PCBP3: variants seen among roughly 807,000 people sequenced by gnomAD.
The protein encoded by PCBP3 is poly(rC) binding protein 3.
In PCBP3, 25 loss-of-function variants were observed where a neutral mutation model predicts 52.7. The ratio of observed to expected loss-of-function variants is 0.47; its 90% confidence interval spans 0.35 to 0.66. The LOEUF is 0.66. Ranked by LOEUF, PCBP3 falls within the 30% of genes least tolerant of loss-of-function variation. PCBP3 has a pLI of 0.01. For synonymous variants in PCBP3, 162 were observed against 183.0 expected (o/e 0.89, Z 0.93); for missense variants, 391 against 490.3 (o/e 0.80, Z 1.91).
rs570442279 is a variant in PCBP3 at position 45,680,668 on chromosome 21, T to C, written c.-200+11716T>C. 5.9e-5 allele frequency among the ~76,000 whole-genome samples: 9 copies of C among 152,354 alleles called. No homozygotes were observed. In the South Asian group the frequency reaches 1.9e-3, roughly 32 times the overall value. On this transcript the variant is annotated intron_variant, in intron 2 of 17. Transcript: ENST00000681687. The stretch of plus-strand genomic sequence containing the variant: ...TTTGGACAATTTAGTTTATCTTTTC[T>C]GATCTCTAGGTCTTTTATTTATTTC...
chr21:45,770,706 T>G (rs952434748), intron 4 of PCBP3, among the ~76,000 whole-genome samples: 12 of 152,378 alleles, frequency 7.9e-5, no homozygotes, highest in Admixed American at 5.2e-4. Context: ...AGCCATCAGC[T>G]TCATGCAATG....
intron 3 of PCBP3, among the ~76,000 whole-genome samples, chr21:45,742,406 T>C (rs770092021): frequency 6.6e-6 from 1 of 152,228 alleles, no homozygotes; most frequent in Non-Finnish European, 1.5e-5. Context: ...ATGGCTTAGC[T>C]CTTTAACAAT....
At chr21:45,882,393 G>A (rs375906147) in intron 5 of PCBP3, among the ~76,000 whole-genome samples, 18 of 152,010 alleles carry the variant, frequency 1.2e-4, no homozygotes, top group African/African-American at 4.4e-4. Context: ...TCTTGCTATT[G>A]AGTTGTTTGA....
rs1037904307 is a variant in PCBP3, at chr21:45,741,334, A to G, written c.-162+5905A>G. ...ACTGTGAGAAGCAGAAACATTGTGC[A>G]AGAAGGGAGCTGCAGCATCAGGTGT... On this transcript the variant is annotated intron_variant, in intron 3 of 17. Coordinates refer to ENST00000681687, the MANE Select transcript of PCBP3 (RefSeq NM_001384156.1). This position sits in a 1 kb window ranked among gnomAD's most constrained non-coding sequence, Gnocchi z 4.5. Among the ~76,000 whole-genome samples, 3 of 152,184 alleles carry G rather than the reference A, an allele frequency of 2.0e-5. No homozygotes were observed. The highest frequency in any genetic ancestry group is 4.4e-5 in the Non-Finnish European group (3 of 68,026).
chr21:45,737,966 C>G lies in PCBP3; in HGVS notation c.-162+2537C>G, dbSNP rs888849043. Among the ~76,000 whole-genome samples, 1 of 152,190 alleles carries G rather than the reference C, an allele frequency of 6.6e-6. No homozygotes were observed. The highest frequency in any genetic ancestry group is 1.5e-5 in the Non-Finnish European group (1 of 68,036). ...CCCATGTCTTGGAGGACTCTTCCCC[C>G]TTCCTGAGAGAGAGCGATGAATGTA... On this transcript the variant is annotated intron_variant, in intron 3 of 17. Transcript: ENST00000681687. The surrounding 1 kb of genome is among the most constrained non-coding windows in gnomAD (Gnocchi z 4.9).
intron 2 of PCBP3, among the ~76,000 whole-genome samples, chr21:45,711,846 G>T (rs953449944): frequency 1.3e-5 from 2 of 152,156 alleles, no homozygotes; most frequent in African/African-American, 4.8e-5. Context: ...TGGTTTTTGA[G>T]AACTGCTTAA....
chr21:45,689,542 T>G (rs887849763), intron 2 of PCBP3, among the ~76,000 whole-genome samples: 1 of 152,060 alleles, frequency 6.6e-6, no homozygotes, highest in African/African-American at 2.4e-5. Flanking sequence ...AGATCCATTC[T>G]CACTACTTCT....
intron 3 of PCBP3, among the ~76,000 whole-genome samples, chr21:45,744,660 A>C (rs2086696498): frequency 6.6e-6 from 1 of 152,168 alleles, no homozygotes; most frequent in Non-Finnish European, 1.5e-5. Flanking sequence ...CATTATAATT[A>C]TAATTCTCTT....
chr21:45,711,523 A>G (rs1163391352), intron 2 of PCBP3, among the ~76,000 whole-genome samples: 5 of 152,214 alleles, frequency 3.3e-5, no homozygotes, highest in Non-Finnish European at 7.3e-5. Context: ...CCTTTAGTAT[A>G]CATGTATAGC....
chr21:45,931,248 A>G (rs1569508216), intron 15 of PCBP3, among the ~76,000 whole-genome samples: 1 of 152,244 alleles, frequency 6.6e-6, no homozygotes, highest in African/African-American at 2.4e-5. Flanking sequence ...AGATTTGTAG[A>G]TTCAGTGACC....
rs2074872803 is a variant in PCBP3 at position 45,923,848 on chromosome 21, GAGTGGGTAGAAACAGCACA to G, written c.718-6068_718-6050del. Among the ~76,000 whole-genome samples, 9 of 142,302 alleles carry G rather than the reference GAGTGGGTAGAAACAGCACA, an allele frequency of 6.3e-5. 1 individual carries two copies. Among genetic ancestry groups the G allele is most frequent in the African/African-American group, 1.1e-4 (4 of 37,660 alleles). The allele number at this position is 142,302 out of a possible 152,430, so 93.4% of individuals were successfully genotyped here. A position where few individuals can be genotyped will look rare whatever the true frequency, so the allele number is the denominator to read the frequency against. Reference sequence around the variant, plus strand: ...GGAGATGCGAACACCGGGAACAGTCGAGTGGGTAGAAACAGCACACGTAAGATCGGGTGTGCACGAGGAG... The same window carrying G: ...GGAGATGCGAACACCGGGAACAGTCGCGTAAGATCGGGTGTGCACGAGGAG... On this transcript the variant is annotated intron_variant, in intron 13 of 17. Transcript: ENST00000681687.
intron 4 of PCBP3, among the ~76,000 whole-genome samples, chr21:45,769,034 C>T (rs1195287027): frequency 6.6e-6 from 1 of 152,214 alleles, no homozygotes; most frequent in Non-Finnish European, 1.5e-5. Flanking sequence ...GGATTGTTAC[C>T]AGAAGTAAGG....
intron 2 of PCBP3, among the ~76,000 whole-genome samples, chr21:45,712,584 A>G (rs1369420676): frequency 6.6e-6 from 1 of 152,086 alleles, no homozygotes; most frequent in Non-Finnish European, 1.5e-5. Context: ...TTGTCTCCGA[A>G]TCTTTACTGA....
chr21:45,664,020 C>T (rs376733769), intron 1 of PCBP3, among the ~76,000 whole-genome samples: 46 of 132,624 alleles, frequency 3.5e-4, no homozygotes, highest in Admixed American at 5.3e-4. Context: ...CTTTTTTTTT[C>T]TTTTTTTTTT....
rs755348582 is a variant in PCBP3 at position 45,930,095 on chromosome 21, T to C, written c.796+100T>C. 6 of 801,830 alleles carry C rather than the reference T, an allele frequency of 7.5e-6. No homozygotes were observed. In the African/African-American group the frequency reaches 8.9e-5, roughly 12 times the overall value. The allele number at this position is 801,830 out of a possible 1,614,324, so 49.7% of individuals were successfully genotyped here. A position where few individuals can be genotyped will look rare whatever the true frequency, so the allele number is the denominator to read the frequency against. On this transcript the variant is annotated intron_variant, in intron 14 of 17. Transcript: ENST00000681687. ...GTGCAGTGCATAGAACAGGTGCAGT[T>C]GGATTTGTGAGTGCCGGTGCTGCGG...
chr21:45,688,428 A>G (rs1020337383), intron 2 of PCBP3, among the ~76,000 whole-genome samples: 4 of 152,176 alleles, frequency 2.6e-5, no homozygotes, highest in Admixed American at 6.5e-5. Context: ...GTCTACAATT[A>G]TTTCCAAATA....
intron 6 of PCBP3, among the ~76,000 whole-genome samples, chr21:45,897,084 T>C (rs958556022): frequency 6.6e-6 from 1 of 152,180 alleles, no homozygotes; most frequent in African/African-American, 2.4e-5. Context: ...CCTGGGTCAT[T>C]GGATCATTTT....
At position 45,844,898 on chromosome 21, in the gene PCBP3, TTATA is replaced by T. The variant is rs201127994; in HGVS notation, c.-125-5057_-125-5054del. 3.6e-3 allele frequency among the ~76,000 whole-genome samples: 543 copies of T among 150,252 alleles called. 2 individuals carry two copies. Among genetic ancestry groups the T allele is most frequent in the African/African-American group, 0.013 (525 of 41,148 alleles). On this transcript the variant is annotated intron_variant, in intron 4 of 17. Coordinates refer to ENST00000681687, the MANE Select transcript of PCBP3 (RefSeq NM_001384156.1). The stretch of plus-strand genomic sequence containing the variant: ...TGAAGTTTATATACGTATATAAAGT[TTATA>T]TATATGCTTTATTTATATATATAGT...
intron 13 of PCBP3, among the ~76,000 whole-genome samples, chr21:45,920,211 C>G (rs2074245680): frequency 6.6e-6 from 1 of 152,176 alleles, no homozygotes; most frequent in Admixed American, 6.5e-5. Flanking sequence ...TCTGGTGACA[C>G]CTTACGGATT....
Sources: allele counts gnomAD v4.1 joint callset (sites outside exome capture counted in the v4.1 genomes callset), GRCh38; gene constraint gnomAD v4.1.1; non-coding constraint Gnocchi (gnomAD v3.1); transcripts MANE v1.5; gene names NCBI Gene and HGNC (gene_info 2026-07-23, HGNC 2026-07-21).